The following POU2F2 variants were observed in gnomAD, a reference collection of about 807,000 sequenced individuals.
POU2F2 encodes the protein POU class 2 homeobox 2, also known as POU domain, class 2, transcription factor 2.
Under a neutral mutation model 63.5 loss-of-function variants are expected in POU2F2, and 14 were observed. That is an observed-to-expected ratio of 0.22 (90% CI 0.15 to 0.34). The LOEUF (loss-of-function observed/expected upper bound fraction) is 0.34, where lower values mean the gene tolerates loss of function less well. Among genes scored for constraint, POU2F2 ranks in the 10% least tolerant of loss-of-function variants. The pLI, the probability that POU2F2 is intolerant of heterozygous loss-of-function variation, is 1.00. For missense variants in POU2F2, 607 were observed against 815.2 expected (o/e 0.74, Z 3.11); for synonymous variants, 306 against 348.6 (o/e 0.88, Z 1.36).
In POU2F2 at chr19:42,096,226, C is replaced by A; in HGVS notation, c.585G>T (p.Thr195=). 6.9e-7 allele frequency: 1 copy of A among 1,458,758 alleles called. No individual in the cohort carries two copies. 90.4% of individuals were successfully genotyped at this position (1,458,758 alleles called of 1,614,324 possible). Residue 195 remains threonine (T), a synonymous_variant, in exon 8 of 15, where the codon ACG becomes ACT. Transcript: ENST00000692977. The surrounding 1 kb of genome is among the most constrained non-coding windows in gnomAD (Gnocchi z 4.1). ...GLPTQAVTRP[T]LPDPHLSHPQ... ...GGTGCGAGAGGTGCGGGTCGGGCAG[C>A]GTAGGGCGGGTCACGGCCTGGTGGG...
intron 2 of POU2F2, among the ~76,000 whole-genome samples, chr19:42,144,571 A>G (rs928492859): frequency 6.6e-6 from 1 of 152,224 alleles, no homozygotes. Context: ...CAGCTTGGCC[A>G]TGCTCCTGAG....
intron 11 of POU2F2, among the ~76,000 whole-genome samples, chr19:42,094,663 C>T (rs1008056144): frequency 2.0e-5 from 3 of 152,200 alleles, no homozygotes; most frequent in Non-Finnish European, 4.4e-5. Context: ...GGGCTGGGCA[C>T]ACCCTGGCTT....
chr19:42,087,085 A>T lies in POU2F2; in HGVS notation c.*4172T>A, dbSNP rs963758246. 13 of 139,842 alleles carry T rather than the reference A, an allele frequency of 9.3e-5. No homozygotes were observed. The highest frequency in any genetic ancestry group is 2.1e-4 in the East Asian group (1 of 4,678). 8.7% of individuals were successfully genotyped at this position (139,842 alleles called of 1,614,324 possible). ...GTATTTTTTTTTATTTTTATTTTTAATTTTTTTTCACTTTTTTTCCAACAT... is the reference window on the plus strand; with the variant it reads ...GTATTTTTTTTTATTTTTATTTTTATTTTTTTTTCACTTTTTTTCCAACAT... On this transcript the variant is annotated 3_prime_UTR_variant, in exon 15 of 15. Coordinates refer to ENST00000692977, the MANE Select transcript of POU2F2 (RefSeq NM_001394376.1).
intron 1 of POU2F2, among the ~76,000 whole-genome samples, chr19:42,189,439 G>C (rs1349449138): frequency 1.3e-5 from 2 of 152,232 alleles, no homozygotes; most frequent in Non-Finnish European, 2.9e-5. Context: ...CCCTGAGGAA[G>C]CTGCCATTCC....
intron 1 of POU2F2, among the ~76,000 whole-genome samples, chr19:42,165,340 G>A (rs2034630015): frequency 6.6e-6 from 1 of 152,210 alleles, no homozygotes; most frequent in Non-Finnish European, 1.5e-5. Context: ...ACAGTCCCCT[G>A]TCCCCTCTTC....
Position 42,152,388 on chromosome 19 carries a change from C to T in POU2F2, c.-9+7944G>A, listed in dbSNP as rs569957447. Among the ~76,000 whole-genome samples the T allele has an allele frequency of 1.5e-3, 222 of 152,092 alleles. No homozygotes were observed. Among genetic ancestry groups the T allele is most frequent in the African/African-American group, 5.0e-3 (207 of 41,498 alleles). ...CCTGCCAAGAAGGCCCCAGATGGGC[C>T]GAGGACTATAGGGGTCCCGGCTGCC... On this transcript the variant is annotated intron_variant, in intron 2 of 6. Transcript: ENST00000524801. This position sits in a 1 kb window ranked among gnomAD's most constrained non-coding sequence, Gnocchi z 4.1.
chr19:42,127,988 A>T (rs1007001054), intron 1 of POU2F2, among the ~76,000 whole-genome samples: 2 of 151,770 alleles, frequency 1.3e-5, no homozygotes, highest in African/African-American at 2.4e-5. Flanking sequence ...TCTACTGGCA[A>T]ACTCTTGCTC....
At chr19:42,130,449 T>C (rs561333861) in intron 1 of POU2F2, among the ~76,000 whole-genome samples, 2 of 152,064 alleles carry the variant, frequency 1.3e-5, no homozygotes, top group Non-Finnish European at 2.9e-5. Context: ...AGTGTATTAA[T>C]TCATGTCCAG....
intron 5 of POU2F2, among the ~76,000 whole-genome samples, chr19:42,115,277 A>G (rs575295091): frequency 6.6e-6 from 1 of 152,202 alleles, no homozygotes; most frequent in African/African-American, 2.4e-5. Flanking sequence ...AGTGTTAAGG[A>G]AAGTCCCAAA....
chr19:42,187,247 T>G (rs2035022307), intron 1 of POU2F2, among the ~76,000 whole-genome samples: 1 of 152,024 alleles, frequency 6.6e-6, no homozygotes, highest in East Asian at 1.9e-4. Flanking sequence ...GCGGATCACC[T>G]GAGGTCAGGA....
intron 5 of POU2F2, among the ~76,000 whole-genome samples, chr19:42,110,070 A>G (rs570352016): frequency 2.0e-5 from 3 of 152,100 alleles, no homozygotes; most frequent in African/African-American, 7.2e-5. Flanking sequence ...CAGTTGGGCA[A>G]CATAGTGAAA....
chr19:42,149,215 C>T (rs946941175), intron 2 of POU2F2, among the ~76,000 whole-genome samples: 1 of 152,174 alleles, frequency 6.6e-6, no homozygotes, highest in Non-Finnish European at 1.5e-5. Context: ...AGCCACACAG[C>T]GCGTCTGTGG....
chr19:42,197,017 G>T (rs920723241), upstream of POU2F2, among the ~76,000 whole-genome samples: 12 of 152,200 alleles, frequency 7.9e-5, no homozygotes, highest in Non-Finnish European at 1.5e-4. Context: ...TTCAAATGAG[G>T]CCAGGAGACA....
At chr19:42,139,726 C>T (rs1356401152) in intron 2 of POU2F2, among the ~76,000 whole-genome samples, 1 of 152,194 alleles carries the variant, frequency 6.6e-6, no homozygotes, top group Non-Finnish European at 1.5e-5. Flanking sequence ...AGGCATGAGC[C>T]ACTGTGGCCC....
rs1290649649 is a variant in POU2F2 at position 42,087,065 on chromosome 19, T to A, written c.*4192A>T. 6 of 151,868 alleles carry A rather than the reference T, an allele frequency of 4.0e-5. No individual in the cohort carries two copies. Among genetic ancestry groups the A allele is most frequent in the Admixed American group, 3.9e-4 (6 of 15,270 alleles). The allele number at this position is 151,868 out of a possible 1,614,324, so 9.4% of individuals were successfully genotyped here. On this transcript the variant is annotated 3_prime_UTR_variant, in exon 15 of 15. Coordinates refer to ENST00000692977, the MANE Select transcript of POU2F2 (RefSeq NM_001394376.1). ...TTGCGGCTTGGAGTTTTTGTGTATT[T>A]TTTTTTATTTTTATTTTTAATTTTT...
intron 1 of POU2F2, among the ~76,000 whole-genome samples, chr19:42,123,725 C>T (rs1295465270): frequency 1.3e-5 from 2 of 152,148 alleles, no homozygotes; most frequent in Non-Finnish European, 2.9e-5. Flanking sequence ...AGTTCCCTCG[C>T]CCAAGCTCAT....
chr19:42,116,397 A>T (rs2031861651), intron 5 of POU2F2, among the ~76,000 whole-genome samples: 1 of 152,134 alleles, frequency 6.6e-6, no homozygotes, highest in Non-Finnish European at 1.5e-5. Context: ...CCTTACCTGT[A>T]TGTTGAGGAC....
chr19:42,176,569 G>T (rs1416095160), upstream of POU2F2, among the ~76,000 whole-genome samples: 1 of 151,534 alleles, frequency 6.6e-6, no homozygotes, highest in East Asian at 1.9e-4. Flanking sequence ...CCCCCTCCAC[G>T]CCTCTCCTTT....
At chr19:42,176,486 T>C (rs1206288601), upstream of POU2F2, among the ~76,000 whole-genome samples, 1 of 151,940 alleles carries the variant, frequency 6.6e-6, no homozygotes, top group Non-Finnish European at 1.5e-5. Flanking sequence ...CGGCTCTCGC[T>C]CCTCCGCTCC....
Sources: allele counts gnomAD v4.1 joint callset (sites outside exome capture counted in the v4.1 genomes callset), GRCh38; gene constraint gnomAD v4.1.1; non-coding constraint Gnocchi (gnomAD v3.1); transcripts MANE v1.5; gene names NCBI Gene and HGNC (gene_info 2026-07-23, HGNC 2026-07-21).